The following JCAD variants were observed in gnomAD, a reference collection of about 807,000 sequenced individuals.
JCAD encodes the protein junctional cadherin 5-associated protein.
A neutral mutation model predicts 98.0 loss-of-function variants in JCAD; 40 were observed. The ratio of observed to expected loss-of-function variants is 0.41; its 90% CI spans 0.32 to 0.53. JCAD has a LOEUF of 0.53. JCAD is among the 20% of genes least tolerant of loss of function. The pLI is 0.31. For synonymous variants in JCAD, 691 were observed against 682.3 expected (o/e 1.01, Z -0.20); for missense variants, 1,705 against 1,738.1 (o/e 0.98, Z 0.34).
At chr10:30,023,101 G>T (rs899580071) in intron 3 of JCAD, among the ~76,000 whole-genome samples, 1 of 151,968 alleles carries the variant, frequency 6.6e-6, no homozygotes, top group Admixed American at 6.6e-5. Flanking sequence ...GCAATGGCGC[G>T]ATCTCAGCTC....
chr10:30,075,366 T>A (rs1056215493), intron 1 of JCAD, among the ~76,000 whole-genome samples: 1 of 152,212 alleles, frequency 6.6e-6, no homozygotes, highest in African/African-American at 2.4e-5. Flanking sequence ...TTGGGTTTTT[T>A]AGGAACAACA....
At chr10:30,063,173 A>G (rs541092325), upstream of JCAD, among the ~76,000 whole-genome samples, 9 of 149,986 alleles carry the variant, frequency 6.0e-5, no homozygotes, top group African/African-American at 1.9e-4. Flanking sequence ...AAACTCGCTT[A>G]TGTGATGTAA....
At chr10:30,022,000 G>A (rs1191692347) in intron 3 of JCAD, among the ~76,000 whole-genome samples, 2 of 152,184 alleles carry the variant, frequency 1.3e-5, no homozygotes, top group East Asian at 3.9e-4. Flanking sequence ...TCTTCCCCTG[G>A]ACTCATATTA....
intron 3 of JCAD, among the ~76,000 whole-genome samples, chr10:30,020,263 G>A (rs1333314377): frequency 1.3e-5 from 2 of 150,452 alleles, no homozygotes; most frequent in Non-Finnish European, 3.0e-5. Context: ...GAAGGTGGAG[G>A]TGGCAGTGAG....
At chr10:30,020,271 G>A (rs1836633195) in intron 3 of JCAD, among the ~76,000 whole-genome samples, 1 of 144,556 alleles carries the variant, frequency 6.9e-6, no homozygotes, top group South Asian at 2.2e-4. Flanking sequence ...AGGTGGCAGT[G>A]AGCTGAGATC....
intron 2 of JCAD, among the ~76,000 whole-genome samples, chr10:30,041,385 A>T (rs1231921402): frequency 6.6e-6 from 1 of 152,242 alleles, no homozygotes; most frequent in African/African-American, 2.4e-5. Flanking sequence ...TTGAGGATTC[A>T]TAAGTTTGTA....
rs111577844 is a variant in JCAD at position 30,093,915 on chromosome 10, C to T, written n.128+21452G>A. ...ATTGGATGACTGACTATTGCCCACA[C>T]TAATTGGGTCCTCTCCTGAAAGCTT... On this transcript the variant is annotated intron_variant and non_coding_transcript_variant, in intron 1 of 2. Transcript: ENST00000465712. 3.4e-3 allele frequency among the ~76,000 whole-genome samples: 521 copies of T among 152,314 alleles called. 6 individuals carry two copies. Among genetic ancestry groups the T allele is most frequent in the African/African-American group, 0.012 (487 of 41,570 alleles).
At position 30,046,120 on chromosome 10, in the gene JCAD, A is replaced by G. The variant is rs139501705; in HGVS notation, c.281+1412T>C. Among the ~76,000 whole-genome samples, 786 of 152,258 alleles carry G rather than the reference A, an allele frequency of 5.2e-3. 6 individuals carry two copies. Among genetic ancestry groups the G allele is most frequent in the African/African-American group, 0.018 (753 of 41,548 alleles). On this transcript the variant is annotated intron_variant, in intron 2 of 3. Coordinates refer to ENST00000375377, the MANE Select transcript of JCAD (RefSeq NM_020848.4). ...CCTTTGTCCATATCTAACTGCTGAC[A>G]TGCAGTTACATAACACGCTCTGTAG...
At chr10:30,101,042 T>C (rs539740976) in intron 1 of JCAD, among the ~76,000 whole-genome samples, 57 of 152,326 alleles carry the variant, frequency 3.7e-4, no homozygotes, top group African/African-American at 1.3e-3. Flanking sequence ...GATCAAGGTT[T>C]TATCATGCAG....
chr10:30,105,145 T>C (rs1372372036), intron 1 of JCAD, among the ~76,000 whole-genome samples: 1 of 152,206 alleles, frequency 6.6e-6, no homozygotes, highest in Non-Finnish European at 1.5e-5. Flanking sequence ...TGTCCTGCCC[T>C]GTATTACTAA....
chr10:30,099,327 C>T lies in JCAD; in HGVS notation n.128+16040G>A, dbSNP rs192262900. Among the ~76,000 whole-genome samples the T allele has an allele frequency of 5.3e-4, 81 of 152,134 alleles. 1 individual carries two copies. The highest frequency in any genetic ancestry group is 1.0e-3 in the Non-Finnish European group (71 of 68,024). On this transcript the variant is annotated intron_variant and non_coding_transcript_variant, in intron 1 of 2. Coordinates refer to the JCAD transcript ENST00000465712. ...CCTAAAGAATCAGGGGTAAAACTCCCATTAGTCCTAATTACCCTCCCTAAA... is the reference window on the plus strand; with the variant it reads ...CCTAAAGAATCAGGGGTAAAACTCCTATTAGTCCTAATTACCCTCCCTAAA...
intron 1 of JCAD, among the ~76,000 whole-genome samples, chr10:30,106,426 A>T (rs1329437938): frequency 1.5e-5 from 2 of 136,358 alleles, no homozygotes; most frequent in African/African-American, 5.9e-5. Flanking sequence ...CTTGTCTCTT[A>T]AAAAAAAAAA....
chr10:30,024,550 C>T (rs1350840215), intron 3 of JCAD, among the ~76,000 whole-genome samples: 4 of 152,120 alleles, frequency 2.6e-5, no homozygotes, highest in Admixed American at 6.5e-5. Flanking sequence ...CCCAGCTTGT[C>T]CAACTAGAGG....
chr10:30,022,776 C>T (rs1836691149), intron 3 of JCAD, among the ~76,000 whole-genome samples: 1 of 152,174 alleles, frequency 6.6e-6, no homozygotes, highest in African/African-American at 2.4e-5. Context: ...AATAATGAAG[C>T]TGAAACATTA....
At chr10:30,077,795 G>A (rs1838006903) in intron 1 of JCAD, among the ~76,000 whole-genome samples, 1 of 152,182 alleles carries the variant, frequency 6.6e-6, no homozygotes, top group African/African-American at 2.4e-5. Context: ...GTACATATAT[G>A]ACATTTATCC....
At position 30,028,761 on chromosome 10, in the gene JCAD, G is replaced by A; in HGVS notation, c.1387C>T (p.Pro463Ser). Residue 463 changes from proline (P) to serine (S), a missense_variant, in exon 3 of 4, where the codon CCG (proline) becomes TCG (serine). Physicochemically the swap from Pro to Ser is moderately conservative, Grantham distance 74. Coordinates refer to ENST00000375377, the MANE Select transcript of JCAD (RefSeq NM_020848.4). ...TCAGGCTGCATTCCTCCATGAGCCG[G>A]CTCTTGAGCAGTGACAGGACTGGAG... ...YNSSPVTAQE[P>S]AHGGMQPDGA... is the part of the protein sequence containing the mutation. 1 of 1,614,252 alleles carries A rather than the reference G, an allele frequency of 6.2e-7. No individual in the cohort carries two copies. The highest frequency in any genetic ancestry group is 8.5e-7 in the Non-Finnish European group (1 of 1,180,046).
chr10:30,069,248 G>A (rs1230970654), intron 2 of JCAD, among the ~76,000 whole-genome samples: 1 of 152,016 alleles, frequency 6.6e-6, no homozygotes, highest in Non-Finnish European at 1.5e-5. Flanking sequence ...CTTCACCATA[G>A]GAGTGGGGGC....
At chr10:30,059,654 T>G (rs1837664925), upstream of JCAD, 3 of 130,986 alleles carry the variant, frequency 2.3e-5, no homozygotes, top group South Asian at 6.2e-4. The surrounding 1 kb of genome is among the most constrained non-coding windows in gnomAD (Gnocchi z 5.0). Flanking sequence ...CTGCCTCCTC[T>G]GCGCTGAGGG....
chr10:30,087,933 C>T (rs571520469), intron 1 of JCAD, among the ~76,000 whole-genome samples: 19 of 152,332 alleles, frequency 1.2e-4, no homozygotes, highest in African/African-American at 4.1e-4. Context: ...CTCTGCCTCC[C>T]GGGTTGAAGC....
Sources: gnomAD v4.1 joint callset for allele counts (sites outside exome capture counted in the v4.1 genomes callset) on GRCh38, gnomAD v4.1.1 for gene constraint, Gnocchi (gnomAD v3.1) non-coding constraint, MANE v1.5 for transcripts, NCBI Gene and HGNC (gene_info 2026-07-23, HGNC 2026-07-21) for gene names.